MADD: variants seen among roughly 807,000 people sequenced by gnomAD.
MADD encodes the protein MAP kinase-activating death domain protein.
A neutral mutation model predicts 176.7 loss-of-function variants in MADD; 109 were observed. That is an observed-to-expected ratio of 0.62 (90% CI 0.53 to 0.72). The LOEUF (loss-of-function observed/expected upper bound fraction) is 0.72, where lower values mean the gene tolerates loss of function less well. Among genes scored for constraint, MADD ranks in the 30% least tolerant of loss-of-function variants. The probability of loss-of-function intolerance (pLI) is 0.00; values close to 1 mark genes in which losing one functional copy is unlikely to be tolerated. For missense variants in MADD, 1,914 were observed against 2,045.5 expected, an observed-to-expected ratio of 0.94 and a Z score of 1.24; for synonymous variants, 771 against 771.3, an observed-to-expected ratio of 1.00 and a Z score of 0.01.
Position 47,313,213 on chromosome 11 carries a change from A to T in MADD, c.4089+1371A>T, listed in dbSNP as rs1025425425. Among the ~76,000 whole-genome samples the T allele has an allele frequency of 5.3e-5, 8 of 152,344 alleles. No homozygotes were observed. In the East Asian group the frequency reaches 1.5e-3, roughly 29 times the overall value. ...GACTTTTCTAATGAGATTGGTGGTG[A>T]TATTAATGAATGTGATTTTTTAAAC... is the stretch of plus-strand genomic sequence containing the variant. On this transcript the variant is annotated intron_variant, in intron 26 of 32. Coordinates refer to ENST00000402192, the Ensembl canonical transcript of MADD.
rs777399567 is a variant in MADD, at chr11:47,273,948, C to T, written c.34C>T (p.Leu12Phe). 8 of 1,613,988 alleles carry T rather than the reference C, an allele frequency of 5.0e-6. No individual in the cohort carries two copies. In the African/African-American group the frequency reaches 1.1e-4, roughly 22 times the overall value. ...AAAGAAGAAGTTCTGTCCTCGGTTA[C>T]TTGACTATCTAGTGATCGTAGGGGC... Residue 12 changes from leucine (L) to phenylalanine (F), a missense_variant, in exon 2 of 33, where the codon CTT becomes TTT. This residue lies in a region of MADD where 1,767 missense variants were observed against 1,836.0 expected (regional missense o/e 0.96). Coordinates refer to ENST00000402192, the Ensembl canonical transcript of MADD.
At chr11:47,305,304 G>A (rs1190401582) in intron 22 of MADD, among the ~76,000 whole-genome samples, 10 of 152,106 alleles carry the variant, frequency 6.6e-5, no homozygotes, top group Non-Finnish European at 1.5e-4. Flanking sequence ...GTGGCACCTG[G>A]GTATTGGGGT....
rs1188824874 is a variant in MADD, at chr11:47,321,748, A to C, written c.4198-1923A>C. On this transcript the variant is annotated intron_variant, in intron 27 of 32. Coordinates refer to ENST00000402192, the Ensembl canonical transcript of MADD. ...ATTTGAGCTAGAACCAATGGGACTC[A>C]GTGATGGAGTGTAGTTAGTTAGAGG... Among the ~76,000 whole-genome samples the C allele has an allele frequency of 2.6e-5, 4 of 152,122 alleles. No homozygotes were observed. The East Asian group carries it at 7.7e-4, about 29-fold the overall frequency.
At chr11:47,310,500 G>C (rs2140932165) in intron 25 of MADD, among the ~76,000 whole-genome samples, 1 of 151,884 alleles carries the variant, frequency 6.6e-6, no homozygotes, top group Non-Finnish European at 1.5e-5. Flanking sequence ...TATTTATTTT[G>C]AGATTTATGT....
At chr11:47,323,724 C>A (rs766382263) in exon 28 of MADD, 1 of 1,614,148 alleles carries the variant, frequency 6.2e-7, no homozygotes. Flanking sequence ...TGTATGAGCG[C>A]TGGTGGTACG....
At chr11:47,308,889 G>A in intron 23 of MADD, 91 bp from the exon 26 acceptor site, 2 of 1,273,346 alleles carry the variant, frequency 1.6e-6, no homozygotes, top group South Asian at 1.2e-5. Flanking sequence ...GGACAAGATT[G>A]GGTTTTGGTG....
intron 26 of MADD, among the ~76,000 whole-genome samples, chr11:47,312,322 C>A (rs1012014409): frequency 6.6e-6 from 1 of 152,230 alleles, no homozygotes; most frequent in African/African-American, 2.4e-5. Context: ...AATCTTGGCT[C>A]ACTGCAACCT....
At chr11:47,313,723 T>G (rs2091378202) in intron 26 of MADD, among the ~76,000 whole-genome samples, 1 of 152,098 alleles carries the variant, frequency 6.6e-6, no homozygotes, top group Non-Finnish European at 1.5e-5. Flanking sequence ...AATAACATTT[T>G]TTTTCAGTCT....
intron 22 of MADD, among the ~76,000 whole-genome samples, chr11:47,297,166 A>G (rs1322561821): frequency 6.6e-6 from 1 of 152,230 alleles, no homozygotes; most frequent in African/African-American, 2.4e-5. Flanking sequence ...ACAAGAGCTT[A>G]TACGCATAGG....
At chr11:47,313,286 ACT>A (rs1217017313) in intron 26 of MADD, among the ~76,000 whole-genome samples, 1 of 151,976 alleles carries the variant, frequency 6.6e-6, no homozygotes, top group African/African-American at 2.4e-5. Context: ...GAGCTGTGTA[ACT>A]CAGTGAAACA....
At chr11:47,328,633 T>C in intron 31 of MADD, 25 bp from the exon 36 acceptor site, 1 of 1,614,160 alleles carries the variant, frequency 6.2e-7, no homozygotes, top group East Asian at 2.2e-5. Flanking sequence ...ACTTTCTGTT[T>C]TGTCTCTTGC....
chr11:47,300,270 G>C (rs539903512), intron 22 of MADD, among the ~76,000 whole-genome samples: 1 of 147,564 alleles, frequency 6.8e-6, no homozygotes, highest in Non-Finnish European at 1.5e-5. Flanking sequence ...GCAGTTGTGC[G>C]ATCTCGGCTC....
intron 22 of MADD, among the ~76,000 whole-genome samples, chr11:47,299,182 A>AT (rs894329570): frequency 2.0e-5 from 3 of 151,232 alleles, no homozygotes; most frequent in South Asian, 2.1e-4. Context: ...GAATTTTAGG[A>AT]TTTTTTTTCT....
At chr11:47,309,486 T>C (rs775812384) in intron 24 of MADD, 21 bp from the exon 28 acceptor site, 1 of 1,614,034 alleles carries the variant, frequency 6.2e-7, no homozygotes, top group East Asian at 2.2e-5. Context: ...AGGGCTGACT[T>C]GTGCTTGGTC....
At chr11:47,309,194 T>C in intron 23 of MADD, 87 bp from the exon 27 acceptor site, 1 of 1,564,666 alleles carries the variant, frequency 6.4e-7, no homozygotes, top group Middle Eastern at 1.7e-4. Flanking sequence ...TTATTCCCTT[T>C]TATCTGGATT....
At chr11:47,311,181 C>A (rs2140979739) in intron 25 of MADD, among the ~76,000 whole-genome samples, 1 of 152,242 alleles carries the variant, frequency 6.6e-6, no homozygotes, top group South Asian at 2.1e-4. Flanking sequence ...CTTCTGTTCT[C>A]CCCAACCTCC....
intron 22 of MADD, among the ~76,000 whole-genome samples, chr11:47,299,776 C>T (rs900173397): frequency 2.0e-5 from 3 of 151,852 alleles, no homozygotes; most frequent in South Asian, 2.1e-4. Context: ...GCAGTCCACC[C>T]GCCTTGGCCA....
chr11:47,286,930 C>A (rs1400461424), intron 15 of MADD, among the ~76,000 whole-genome samples: 1 of 152,184 alleles, frequency 6.6e-6, no homozygotes, highest in African/African-American at 2.4e-5. Context: ...TGGCAGCGTT[C>A]ATAGAGCACA....
In MADD at chr11:47,285,213, C is replaced by T. The variant is rs770375922; in HGVS notation, c.2411+19C>T. 2.6e-5 allele frequency: 42 copies of T among 1,609,884 alleles called. No individual in the cohort carries two copies. The Admixed American group carries it at 6.7e-4, about 26-fold the overall frequency. On this transcript the variant is annotated intron_variant, in intron 13 of 32. Transcript: ENST00000402192. ...GCAATCGGTGAGAGCCTGGGCATCC[C>T]TTCTAGATGGGTGACTGAAGGACCT...
Sources: gnomAD v4.1 joint callset for allele counts (sites outside exome capture counted in the v4.1 genomes callset) on GRCh38, gnomAD v4.1.1 for gene constraint, gnomAD v4.1.1 regional missense constraint, MANE v1.5 for transcripts, NCBI Gene and HGNC (gene_info 2026-07-23, HGNC 2026-07-21) for gene names.